Variants in HEATR4 observed in about 807,000 individuals in gnomAD.
HEATR4 encodes HEAT repeat-containing protein 4.
In HEATR4, 95 loss-of-function variants were observed where a neutral mutation model predicts 108.8. That is an observed-to-expected ratio of 0.87 (90% confidence interval 0.74 to 1.04). The LOEUF (loss-of-function observed/expected upper bound fraction) is 1.04. HEATR4 is among the 50% of genes least tolerant of loss of function. HEATR4 has a pLI of 0.00. For missense variants in HEATR4, 1,152 were observed against 1,253.8 expected, an observed-to-expected ratio of 0.92 and a Z score of 1.23; for synonymous variants, 443 against 459.4, an observed-to-expected ratio of 0.96 and a Z score of 0.46.
chr14:73,505,498 G>A (rs1886752596), intron 10 of HEATR4, among the ~76,000 whole-genome samples: 1 of 152,132 alleles, frequency 6.6e-6, no homozygotes, highest in East Asian at 1.9e-4. Flanking sequence ...CCAGGTTCAA[G>A]CAATTCTTGT....
At chr14:73,491,501 G>A (rs546566336) in intron 17 of HEATR4, 78 of 1,511,956 alleles carry the variant, frequency 5.2e-5, no homozygotes, top group Non-Finnish European at 5.4e-5. Flanking sequence ...CCAGTCGTCC[G>A]GGGCCCCTGC....
intron 1 of HEATR4, among the ~76,000 whole-genome samples, chr14:73,552,723 C>T (rs1326097677): frequency 1.9e-5 from 2 of 107,848 alleles, no homozygotes; most frequent in African/African-American, 6.9e-5. Context: ...CCCATAAACA[C>T]TCCAGTGTCC....
the HEATR4 span, among the ~76,000 whole-genome samples, chr14:73,602,754 A>G: frequency 6.6e-6 from 1 of 152,236 alleles, no homozygotes; most frequent in Non-Finnish European, 1.5e-5. Context: ...TCACTAAAAT[A>G]TAACTTGAAG....
At chr14:73,624,861 CAT>C in the HEATR4 span, among the ~76,000 whole-genome samples, 1 of 152,030 alleles carries the variant, frequency 6.6e-6, no homozygotes, top group Non-Finnish European at 1.5e-5. Context: ...AAGTACTTAA[CAT>C]ATTTTAATTT....
At chr14:73,570,225 T>C in the HEATR4 span, among the ~76,000 whole-genome samples, 1 of 151,498 alleles carries the variant, frequency 6.6e-6, no homozygotes, top group Non-Finnish European at 1.5e-5. Context: ...TGGGGAAGTG[T>C]CCCTGCCGCT....
the HEATR4 span, among the ~76,000 whole-genome samples, chr14:73,585,820 CT>C: frequency 0.024 from 2,795 of 115,476 alleles, 38 homozygotes; most frequent in South Asian, 0.1. Flanking sequence ...TTGTCTTTTT[CT>C]TTTTTTTTTT....
At chr14:73,601,800 C>G in the HEATR4 span, among the ~76,000 whole-genome samples, 1 of 152,226 alleles carries the variant, frequency 6.6e-6, no homozygotes, top group East Asian at 1.9e-4. Flanking sequence ...CACTGATAAC[C>G]AATGGGTTTT....
At chr14:73,515,278 GT>G (rs1887525358) in intron 5 of HEATR4, among the ~76,000 whole-genome samples, 1 of 152,022 alleles carries the variant, frequency 6.6e-6, no homozygotes. Context: ...AGCCATTTCT[GT>G]TTTTTTCCAA....
chr14:73,598,482 C>G, the HEATR4 span, among the ~76,000 whole-genome samples: 3 of 151,888 alleles, frequency 2.0e-5, no homozygotes, highest in Non-Finnish European at 4.4e-5. Context: ...TAGAGTAGAG[C>G]GGCAGTGACT....
the HEATR4 span, among the ~76,000 whole-genome samples, chr14:73,625,613 G>A: frequency 6.6e-6 from 1 of 152,032 alleles, no homozygotes; most frequent in East Asian, 1.9e-4. Flanking sequence ...CACCAGCCTC[G>A]GCCTCCCAAA....
the HEATR4 span, chr14:73,619,398 T>G: frequency 5.3e-4 from 852 of 1,614,070 alleles, no homozygotes; most frequent in Non-Finnish European, 6.8e-4. Flanking sequence ...TTCCTAAACT[T>G]GTCGATGATC....
At chr14:73,601,601 C>T in the HEATR4 span, among the ~76,000 whole-genome samples, 1 of 152,138 alleles carries the variant, frequency 6.6e-6, no homozygotes, top group Non-Finnish European at 1.5e-5. Context: ...AGTCAGCAAA[C>T]CAATATGTAT....
At chr14:73,493,498 G>A (rs1885921706) in intron 16 of HEATR4, 1 of 218,018 alleles carries the variant, frequency 4.6e-6, no homozygotes, top group African/African-American at 2.4e-5. Flanking sequence ...AAGCAACCTG[G>A]GGTGGTTGTA....
chr14:73,616,761 G>C, the HEATR4 span: 3 of 416,764 alleles, frequency 7.2e-6, no homozygotes, highest in Non-Finnish European at 1.3e-5. Context: ...CGGATGAACT[G>C]TACAGTGATG....
chr14:73,500,828 A>G, intron 11 of HEATR4, 98 bp from the exon 12 acceptor site: 1 of 1,136,354 alleles, frequency 8.8e-7, no homozygotes. Flanking sequence ...CGGGTTCTGT[A>G]GGCTGTCAAT....
intron 17 of HEATR4, chr14:73,491,558 T>C: frequency 1.3e-6 from 2 of 1,539,202 alleles, no homozygotes; most frequent in African/African-American, 1.4e-5. Flanking sequence ...GGAGCCGGCC[T>C]GGGACTCCCC....
the HEATR4 span, among the ~76,000 whole-genome samples, chr14:73,605,846 C>G: frequency 6.6e-6 from 1 of 152,100 alleles, no homozygotes; most frequent in African/African-American, 2.4e-5. Flanking sequence ...ACTGGGATTA[C>G]AGGCATGAGC....
chr14:73,571,882 T>C, the HEATR4 span, among the ~76,000 whole-genome samples: 1 of 152,044 alleles, frequency 6.6e-6, no homozygotes. Context: ...CTGGATACTT[T>C]TATATTACAT....
chr14:73,486,953 G>A (rs1324924208), intron 17 of HEATR4, among the ~76,000 whole-genome samples: 1 of 152,052 alleles, frequency 6.6e-6, no homozygotes, highest in African/African-American at 2.4e-5. Flanking sequence ...GAATAACAAT[G>A]ATTAGCATCT....
Sources: allele counts gnomAD v4.1 joint callset (sites outside exome capture counted in the v4.1 genomes callset), GRCh38; gene constraint gnomAD v4.1.1; transcripts MANE v1.5; gene names NCBI Gene and HGNC (gene_info 2026-07-23, HGNC 2026-07-21).